The following DNAH8 variants were observed in gnomAD, a reference collection of about 807,000 sequenced individuals.
The protein encoded by DNAH8 is axonemal beta dynein heavy chain 8.
DNAH8 carries 382 observed loss-of-function variants against 562.1 expected under a neutral mutation model. That is an observed-to-expected ratio of 0.68 (90% CI 0.63 to 0.74). The LOEUF is 0.74. Ranked by LOEUF, DNAH8 falls within the 30% of genes least tolerant of loss-of-function variation. DNAH8 has a pLI of 0.00. For missense variants in DNAH8, 5,203 were observed against 5,620.4 expected (o/e 0.93, Z 2.37); for synonymous variants, 1,881 against 1,919.4 (o/e 0.98, Z 0.52).
intron 88 of DNAH8, among the ~76,000 whole-genome samples, chr6:38,996,868 G>T (rs928293288): frequency 6.6e-6 from 1 of 152,144 alleles, no homozygotes; most frequent in Non-Finnish European, 1.5e-5. Flanking sequence ...TGGCATGCAT[G>T]CTGTAGGATG....
At chr6:38,864,186 A>G in intron 45 of DNAH8, 126 bp downstream of exon 45, 4 of 863,618 alleles carry the variant, frequency 4.6e-6, no homozygotes, top group Non-Finnish European at 5.2e-6. Context: ...CTCTTACCAT[A>G]TGATTTTTTT....
At chr6:38,736,713 GA>G (rs5875636) in intron 5 of DNAH8, among the ~76,000 whole-genome samples, 37,983 of 145,354 alleles carry the variant, frequency 0.26, 5,682 homozygotes, top group Middle Eastern at 0.35. Context: ...CTTTTCACCA[GA>G]AAAAAAAAAA....
chr6:38,857,413 C>G (rs1776286732), intron 41 of DNAH8, 105 bp from the exon 42 acceptor site: 3 of 693,338 alleles, frequency 4.3e-6, no homozygotes, highest in Non-Finnish European at 7.5e-6. Flanking sequence ...AAATGCAAGT[C>G]AATCTCATTT....
intron 17 of DNAH8, among the ~76,000 whole-genome samples, chr6:38,785,704 C>CTTATGAACAATGAGTTCATTGT (rs1769096906): frequency 6.6e-6 from 1 of 151,806 alleles, no homozygotes; most frequent in Non-Finnish European, 1.5e-5. Context: ...CATTGTTCAA[C>CTTATGAACAATGAGTTCATTGT]TCCCACTTAT....
Position 39,009,315 on chromosome 6 carries a change from A to C in DNAH8, c.13371+345A>C, listed in dbSNP as rs191147404. ...TTAAGCTGTGCTAAAAAAAAAAAAA[A>C]CTCAAAAATCTTTAAGGCCAAAAAG... On this transcript the variant is annotated intron_variant, in intron 89 of 92. Transcript: ENST00000327475. 3.1e-3 allele frequency among the ~76,000 whole-genome samples: 446 copies of C among 141,862 alleles called. 9 individuals are homozygous for C. The East Asian group carries it at 0.053, about 17-fold the overall frequency. The allele number at this position is 141,862 out of a possible 152,430, so 93.1% of individuals were successfully genotyped here.
At position 38,781,583 on chromosome 6, in the gene DNAH8, C is replaced by T. The variant is rs73420230; in HGVS notation, c.2259+210C>T. Among the ~76,000 whole-genome samples, 3,061 of 152,268 alleles carry T rather than the reference C, an allele frequency of 0.02. 115 individuals are homozygous for T. Among genetic ancestry groups the T allele is most frequent in the African/African-American group, 0.07 (2,919 of 41,546 alleles). On this transcript the variant is annotated intron_variant, in intron 16 of 92. Coordinates refer to ENST00000327475, the MANE Select transcript of DNAH8 (RefSeq NM_001206927.2). ...GATAAGCCAGTCTAATTACAGTTAT[C>T]TCAAAGTCAGTGAATCTTATAATTT...
rs572066688 is a variant in DNAH8, at chr6:38,909,631, C to T, written c.9627C>T (p.Tyr3209=). ...PREALIAVAS[Y]FLSDYNIVCS... is the part of the protein sequence containing the mutation. ...AGGCTCTGATTGCTGTGGCCTCCTA[C>T]TTCCTTTCAGACTATAATATTGTCT... The change falls in exon 65 of 93, where the codon TAC becomes TAT. Residue 3209 remains tyrosine (Y), a synonymous_variant. Coordinates refer to ENST00000327475, the MANE Select transcript of DNAH8 (RefSeq NM_001206927.2). 23 of 1,614,172 alleles carry T rather than the reference C, an allele frequency of 1.4e-5. No individual in the cohort carries two copies. In the East Asian group the frequency reaches 3.3e-4, roughly 23 times the overall value.
intron 68 of DNAH8, among the ~76,000 whole-genome samples, chr6:38,915,595 A>T (rs1000391474): frequency 6.6e-6 from 1 of 152,148 alleles, no homozygotes; most frequent in African/African-American, 2.4e-5. Flanking sequence ...TTGGTCTTCC[A>T]TGAGAACTGA....
At position 38,870,212 on chromosome 6, in the gene DNAH8, A is replaced by G. The variant is rs1369670785; in HGVS notation, c.6829-189A>G. On this transcript the variant is annotated intron_variant, in intron 48 of 92. Transcript: ENST00000327475. ...TATGGGAGCTACGATTCCAGATGAGATTTGGGTAGGGACACAGCCAAACCA... is the reference window on the plus strand; with the variant it reads ...TATGGGAGCTACGATTCCAGATGAGGTTTGGGTAGGGACACAGCCAAACCA... Among the ~76,000 whole-genome samples, 4 of 152,098 alleles carry G rather than the reference A, an allele frequency of 2.6e-5. No homozygotes were observed. In the East Asian group the frequency reaches 7.7e-4, roughly 29 times the overall value.
At chr6:38,800,552 T>G (rs1770696175) in intron 21 of DNAH8, among the ~76,000 whole-genome samples, 1 of 152,234 alleles carries the variant, frequency 6.6e-6, no homozygotes, top group Admixed American at 6.5e-5. Context: ...GGTCTCACTC[T>G]GTCCCTCAGG....
rs11970037 is a variant in DNAH8 at position 39,010,546 on chromosome 6, G to A, written c.13371+1576G>A. Among the ~76,000 whole-genome samples the A allele has an allele frequency of 5.1e-3, 774 of 152,068 alleles. 13 individuals are homozygous for A. The East Asian group carries it at 0.061, about 12-fold the overall frequency. On this transcript the variant is annotated intron_variant, in intron 89 of 92. Transcript: ENST00000327475. ...TAAGCATGTCTCTATCTCAAGTAAA[G>A]TTTCCCTTTTAAAACCCTAAGCAGG...
intron 1 of DNAH8, among the ~76,000 whole-genome samples, chr6:38,721,873 A>G (rs1002416601): frequency 2.0e-5 from 3 of 151,070 alleles, no homozygotes; most frequent in Non-Finnish European, 4.4e-5. Context: ...CTCACTAGAA[A>G]CCTCTTTTTC....
Position 38,862,401 on chromosome 6 carries a change from G to T in DNAH8, c.6253G>T (p.Val2085Phe), listed in dbSNP as rs1228388444. ...GGGAAGGTGTTTGGGAAAATATGTG[G>T]TCGTGTTCAATTGCTCAGATCAAAT... ...DMGRCLGKYV[V>F]VFNCSDQMDF... The change falls in exon 44 of 93, where the codon GTC becomes TTC. Residue 2085 changes from valine (V) to phenylalanine (F), a missense_variant. By Grantham distance (50) the Val-to-Phe change is conservative. Transcript: ENST00000327475. 1.2e-6 allele frequency: 2 copies of T among 1,614,128 alleles called. No individual in the cohort carries two copies. Among genetic ancestry groups the T allele is most frequent in the Admixed American group, 1.7e-5 (1 of 60,020 alleles).
intron 3 of DNAH8, among the ~76,000 whole-genome samples, chr6:38,724,937 A>G (rs1256206465): frequency 6.6e-6 from 1 of 151,994 alleles, no homozygotes; most frequent in Non-Finnish European, 1.5e-5. Context: ...CTGCTTTTAT[A>G]GGGGTCATCA....
At chr6:38,800,246 C>T (rs553982355) in intron 21 of DNAH8, among the ~76,000 whole-genome samples, 37 of 150,486 alleles carry the variant, frequency 2.5e-4, no homozygotes, top group African/African-American at 8.8e-4. Context: ...GTTTTCATTT[C>T]TCTTGGGTAT....
intron 10 of DNAH8, among the ~76,000 whole-genome samples, chr6:38,757,207 G>A (rs1215358709): frequency 2.0e-5 from 3 of 151,268 alleles, no homozygotes; most frequent in African/African-American, 4.8e-5. Context: ...TTTAATGATC[G>A]CCATTCTAAC....
intron 57 of DNAH8, among the ~76,000 whole-genome samples, chr6:38,887,437 C>T (rs959573094): frequency 2.6e-5 from 4 of 152,166 alleles, no homozygotes; most frequent in African/African-American, 9.7e-5. Flanking sequence ...ATGTGTAGGT[C>T]AGCCCATGCC....
chr6:38,761,678 A>G (rs982221735), intron 10 of DNAH8, 24 bp from the exon 11 acceptor site: 35 of 1,254,654 alleles, frequency 2.8e-5, no homozygotes, highest in Non-Finnish European at 3.9e-5. Flanking sequence ...ACATATAATT[A>G]TTTTGTACCT....
chr6:38,814,889 C>T lies in DNAH8; in HGVS notation c.3334-579C>T, dbSNP rs147139456. Among the ~76,000 whole-genome samples, 460 of 152,276 alleles carry T rather than the reference C, an allele frequency of 3.0e-3. 3 individuals carry two copies. Among genetic ancestry groups the T allele is most frequent in the African/African-American group, 0.01 (430 of 41,546 alleles). ...CTTATCTTTACAACTACCCCAGCTG[C>T]TGATGGGCATCTGGAACTCCAAGCC... On this transcript the variant is annotated intron_variant, in intron 25 of 92. Coordinates refer to ENST00000327475, the MANE Select transcript of DNAH8 (RefSeq NM_001206927.2).
Sources: gnomAD v4.1 joint callset for allele counts (sites outside exome capture counted in the v4.1 genomes callset) on GRCh38, gnomAD v4.1.1 for gene constraint, MANE v1.5 for transcripts, NCBI Gene and HGNC (gene_info 2026-07-23, HGNC 2026-07-21) for gene names.